Variants in CTNND2 observed in about 807,000 individuals in gnomAD.
The protein encoded by CTNND2 is catenin delta 2, also known as catenin delta-2.
A neutral mutation model predicts 144.4 loss-of-function variants in CTNND2; 22 were observed. The ratio of observed to expected loss-of-function variants is 0.15; its 90% CI spans 0.11 to 0.22. The LOEUF (loss-of-function observed/expected upper bound fraction) is 0.22. Ranked by LOEUF, CTNND2 falls within the 10% of genes least tolerant of loss-of-function variation. CTNND2 has a pLI of 1.00. For synonymous variants in CTNND2, 751 were observed against 695.6 expected, an observed-to-expected ratio of 1.08 and a Z score of -1.25; for missense variants, 1,353 against 1,618.8, an observed-to-expected ratio of 0.84 and a Z score of 2.82.
intron 9 of CTNND2, among the ~76,000 whole-genome samples, chr5:11,309,720 G>A (rs571833823): frequency 5.9e-5 from 9 of 152,290 alleles, no homozygotes; most frequent in African/African-American, 2.2e-4. Flanking sequence ...ATTTGGGAGG[G>A]GTCGGGGCAG....
At chr5:11,245,497 C>T (rs1742908203) in intron 9 of CTNND2, among the ~76,000 whole-genome samples, 1 of 152,088 alleles carries the variant, frequency 6.6e-6, no homozygotes, top group Admixed American at 6.5e-5. Context: ...CGAGGCCATG[C>T]TGCTGTGCTG....
intron 16 of CTNND2, among the ~76,000 whole-genome samples, chr5:11,060,944 A>G (rs2149595153): frequency 6.6e-6 from 1 of 151,832 alleles, no homozygotes; most frequent in African/African-American, 2.4e-5. Flanking sequence ...ACATAATTGG[A>G]CCATGACTTT....
intron 10 of CTNND2, among the ~76,000 whole-genome samples, chr5:11,220,519 C>T (rs1380231876): frequency 6.6e-6 from 1 of 152,116 alleles, no homozygotes; most frequent in East Asian, 1.9e-4. Context: ...CTCTGTGCTC[C>T]TTTTCATTTG....
intron 3 of CTNND2, among the ~76,000 whole-genome samples, chr5:11,474,726 G>A (rs188193402): frequency 6.6e-6 from 1 of 152,326 alleles, no homozygotes; most frequent in Non-Finnish European, 1.5e-5. Context: ...AACCATGATA[G>A]CTGAAATTTC....
intron 3 of CTNND2, among the ~76,000 whole-genome samples, chr5:11,509,963 G>A (rs752197477): frequency 6.6e-6 from 1 of 152,080 alleles, no homozygotes; most frequent in Non-Finnish European, 1.5e-5. Flanking sequence ...ACAGGGTCTC[G>A]CTCTGTTGCT....
intron 7 of CTNND2, among the ~76,000 whole-genome samples, chr5:11,379,328 T>C (rs1036834891): frequency 2.0e-5 from 3 of 152,202 alleles, no homozygotes; most frequent in African/African-American, 7.2e-5. Flanking sequence ...AAAAATATAC[T>C]ACCTCTAACT....
At chr5:11,544,164 A>T (rs1430960535) in intron 3 of CTNND2, among the ~76,000 whole-genome samples, 1 of 152,064 alleles carries the variant, frequency 6.6e-6, no homozygotes. Context: ...CCATTATTCC[A>T]AGGCAGATTT....
At chr5:11,364,926 G>A in intron 7 of CTNND2, 36 bp from the exon 8 acceptor site, 2 of 1,558,596 alleles carry the variant, frequency 1.3e-6, no homozygotes, top group Non-Finnish European at 1.7e-6. Flanking sequence ...CAAAGCTCAG[G>A]CGACCTCCAA....
At chr5:11,188,387 T>A (rs1735873497) in intron 11 of CTNND2, among the ~76,000 whole-genome samples, 1 of 152,002 alleles carries the variant, frequency 6.6e-6, no homozygotes, top group South Asian at 2.1e-4. Flanking sequence ...CTCACTTAAC[T>A]TAAAAGTAGG....
intron 7 of CTNND2, among the ~76,000 whole-genome samples, chr5:11,377,644 G>A (rs993980649): frequency 2.0e-5 from 3 of 152,124 alleles, no homozygotes; most frequent in African/African-American, 4.8e-5. Flanking sequence ...TGATTTACAA[G>A]GATGCTATGA....
In CTNND2 at chr5:10,973,296, TA is replaced by T; in HGVS notation, c.*156del. 1 of 773,530 alleles carries T rather than the reference TA, an allele frequency of 1.3e-6. No individual in the cohort carries two copies. The highest frequency in any genetic ancestry group is 1.9e-6 in the Non-Finnish European group (1 of 522,886). The allele number at this position is 773,530 out of a possible 1,614,324, so 47.9% of individuals were successfully genotyped here. ...TTAACTTGCGATTCATTTAGCTTTC[TA>T]AAATAGCTCTTAATATTTCCTTACT... On this transcript the variant is annotated 3_prime_UTR_variant, in exon 22 of 22. Transcript: ENST00000304623. This position sits in a 1 kb window ranked among gnomAD's most constrained non-coding sequence, Gnocchi z 5.6.
At chr5:11,326,635 G>A (rs1163106080) in intron 9 of CTNND2, among the ~76,000 whole-genome samples, 1 of 152,186 alleles carries the variant, frequency 6.6e-6, no homozygotes, top group Non-Finnish European at 1.5e-5. Context: ...GGCCTGTAAT[G>A]AGCTGTGTGC....
rs61758933 is a variant in CTNND2 at position 11,464,796 on chromosome 5, T to G, written c.288-52727A>C. ...TGGCTATTGGGTAGAATATGGGGTTTAAGAGATAAAAGGAGTTAAGCTTGG... is the reference window on the plus strand; with the variant it reads ...TGGCTATTGGGTAGAATATGGGGTTGAAGAGATAAAAGGAGTTAAGCTTGG... On this transcript the variant is annotated intron_variant, in intron 3 of 21. Coordinates refer to ENST00000304623, the MANE Select transcript of CTNND2 (RefSeq NM_001332.4). Among the ~76,000 whole-genome samples the G allele has an allele frequency of 6.6e-5, 10 of 152,288 alleles. No homozygotes were observed. The East Asian group carries it at 1.9e-3, about 29-fold the overall frequency.
At chr5:11,064,674 AC>A (rs35044908) in intron 16 of CTNND2, among the ~76,000 whole-genome samples, 40,552 of 152,052 alleles carry the variant, frequency 0.27, 6,544 homozygotes, top group Non-Finnish European at 0.37. Context: ...GCCTGGGTCT[AC>A]CAGCCCTGTC....
At chr5:11,065,599 T>C (rs1747483314) in intron 16 of CTNND2, among the ~76,000 whole-genome samples, 1 of 152,208 alleles carries the variant, frequency 6.6e-6, no homozygotes, top group African/African-American at 2.4e-5. Flanking sequence ...CTGTTACCTC[T>C]TCCCTCTGAG....
At chr5:11,075,142 C>T (rs1273520055) in intron 16 of CTNND2, among the ~76,000 whole-genome samples, 3 of 152,194 alleles carry the variant, frequency 2.0e-5, no homozygotes, top group African/African-American at 4.8e-5. Context: ...CACAGGGGGG[C>T]GCTGTGTAGC....
At chr5:11,542,183 G>A (rs114747921) in intron 3 of CTNND2, among the ~76,000 whole-genome samples, 1,742 of 152,148 alleles carry the variant, frequency 0.011, 13 homozygotes, top group Non-Finnish European at 0.017. Context: ...AATGAACTGC[G>A]CCAGATTCTA....
chr5:11,857,395 C>A (rs1795300650), intron 1 of CTNND2, among the ~76,000 whole-genome samples: 2 of 152,198 alleles, frequency 1.3e-5, no homozygotes, highest in Admixed American at 1.3e-4. Flanking sequence ...GACAATGAGG[C>A]TGGAGCACAG....
At chr5:11,307,256 A>G (rs990978999) in intron 9 of CTNND2, among the ~76,000 whole-genome samples, 1 of 152,058 alleles carries the variant, frequency 6.6e-6, no homozygotes, top group African/African-American at 2.4e-5. Context: ...AAGTGAGGGT[A>G]GATCAGGCTA....
Sources: gnomAD v4.1 joint callset for allele counts (sites outside exome capture counted in the v4.1 genomes callset) on GRCh38, gnomAD v4.1.1 for gene constraint, Gnocchi (gnomAD v3.1) non-coding constraint, MANE v1.5 for transcripts, NCBI Gene and HGNC (gene_info 2026-07-23, HGNC 2026-07-21) for gene names.